LSAMP: variants seen among roughly 807,000 people sequenced by gnomAD.
LSAMP encodes the protein limbic system-associated membrane protein.
In LSAMP, 7 loss-of-function variants were observed where a neutral mutation model predicts 38.6. That is an observed-to-expected ratio of 0.18 (90% CI 0.10 to 0.34). The LOEUF is 0.34. Ranked by LOEUF, LSAMP falls within the 10% of genes least tolerant of loss-of-function variation. The pLI, the probability that LSAMP is intolerant of heterozygous loss-of-function variation, is 1.00. For synonymous variants in LSAMP, 154 were observed against 166.8 expected (o/e 0.92, Z 0.59); for missense variants, 313 against 420.0 (o/e 0.75, Z 2.23).
intron 1 of LSAMP, among the ~76,000 whole-genome samples, chr3:116,352,067 G>C (rs978775403): frequency 2.0e-5 from 3 of 151,996 alleles, no homozygotes; most frequent in Non-Finnish European, 4.4e-5. Context: ...AAGGTTCACC[G>C]CTTCACCGTA....
intron 6 of LSAMP, among the ~76,000 whole-genome samples, chr3:115,837,474 C>A (rs947742457): frequency 6.8e-6 from 1 of 146,184 alleles, no homozygotes. Flanking sequence ...ACGCTGACTA[C>A]TAGGCTGGAA....
chr3:116,005,272 C>T (rs1940123289), intron 3 of LSAMP, among the ~76,000 whole-genome samples: 1 of 152,068 alleles, frequency 6.6e-6, no homozygotes, highest in Non-Finnish European at 1.5e-5. Flanking sequence ...CAACTGAGAT[C>T]AATAATAAAT....
chr3:115,946,198 A>T (rs2107568453), intron 3 of LSAMP, among the ~76,000 whole-genome samples: 1 of 152,324 alleles, frequency 6.6e-6, no homozygotes, highest in Non-Finnish European at 1.5e-5. Context: ...TTATGTGTGG[A>T]ATGTAAGAAT....
chr3:116,020,077 A>C (rs1940595902), intron 2 of LSAMP, among the ~76,000 whole-genome samples: 1 of 152,220 alleles, frequency 6.6e-6, no homozygotes, highest in Admixed American at 6.5e-5. Flanking sequence ...TATTTAGCAT[A>C]AGATTACATT....
chr3:116,387,371 G>T (rs953803324), intron 1 of LSAMP, among the ~76,000 whole-genome samples: 2 of 152,144 alleles, frequency 1.3e-5, no homozygotes, highest in African/African-American at 4.8e-5. Flanking sequence ...GATATTCAAT[G>T]TCAGATACAG....
At chr3:116,428,914 T>A (rs990821332) in intron 1 of LSAMP, among the ~76,000 whole-genome samples, 9 of 152,140 alleles carry the variant, frequency 5.9e-5, no homozygotes, top group Non-Finnish European at 1.2e-4. Context: ...AACTTTGGGA[T>A]GGGGGTATTA....
intron 1 of LSAMP, among the ~76,000 whole-genome samples, chr3:116,148,570 T>TGAACC (rs1709540137): frequency 6.6e-6 from 1 of 152,008 alleles, no homozygotes; most frequent in African/African-American, 2.4e-5. Flanking sequence ...AAGTAGATAT[T>TGAACC]GAACCCGTAA....
intron 3 of LSAMP, among the ~76,000 whole-genome samples, chr3:115,927,576 T>C (rs1203481529): frequency 6.6e-6 from 1 of 152,168 alleles, no homozygotes; most frequent in Non-Finnish European, 1.5e-5. Flanking sequence ...ATGGAAAGGT[T>C]CTGCATTCCT....
intron 1 of LSAMP, among the ~76,000 whole-genome samples, chr3:116,436,624 A>G (rs1396989202): frequency 6.6e-6 from 1 of 152,184 alleles, no homozygotes; most frequent in Non-Finnish European, 1.5e-5. Flanking sequence ...CAAAACTACA[A>G]TGTGATACCA....
chr3:116,143,896 A>C (rs1004034432), intron 1 of LSAMP, among the ~76,000 whole-genome samples: 2 of 151,886 alleles, frequency 1.3e-5, no homozygotes, highest in African/African-American at 4.8e-5. Context: ...TTATTTTAAA[A>C]ATATATTTAT....
chr3:116,236,236 G>C (rs2046464679), intron 1 of LSAMP, among the ~76,000 whole-genome samples: 1 of 151,672 alleles, frequency 6.6e-6, no homozygotes, highest in Non-Finnish European at 1.5e-5. Flanking sequence ...TTAAAATATT[G>C]TTAATCTATT....
chr3:116,430,365 G>A (rs1337896497), intron 1 of LSAMP, among the ~76,000 whole-genome samples: 2 of 151,968 alleles, frequency 1.3e-5, no homozygotes, highest in Non-Finnish European at 2.9e-5. Context: ...AAACTAGAGA[G>A]GGAATTCAGA....
intron 1 of LSAMP, among the ~76,000 whole-genome samples, chr3:116,285,989 A>T (rs2047189916): frequency 6.6e-6 from 1 of 152,218 alleles, no homozygotes; most frequent in Non-Finnish European, 1.5e-5. Flanking sequence ...CTTACAAAAA[A>T]GAGGACAAAG....
At chr3:115,904,205 A>T (rs1936952276) in intron 3 of LSAMP, among the ~76,000 whole-genome samples, 1 of 152,194 alleles carries the variant, frequency 6.6e-6, no homozygotes, top group African/African-American at 2.4e-5. Context: ...AGATTTAAAA[A>T]GATAAAGAGC....
intron 1 of LSAMP, among the ~76,000 whole-genome samples, chr3:116,252,667 G>A (rs1005924357): frequency 3.9e-5 from 6 of 152,168 alleles, no homozygotes; most frequent in African/African-American, 1.4e-4. Flanking sequence ...TCTCAGCAAA[G>A]TAAATATTTC....
At chr3:116,437,693 G>C (rs548758512) in intron 1 of LSAMP, among the ~76,000 whole-genome samples, 2 of 151,828 alleles carry the variant, frequency 1.3e-5, no homozygotes, top group Non-Finnish European at 2.9e-5. Flanking sequence ...GAGAGAAAAG[G>C]AGAGGAAGGA....
intron 2 of LSAMP, among the ~76,000 whole-genome samples, chr3:116,045,834 A>G (rs915175238): frequency 7.2e-5 from 11 of 152,218 alleles, no homozygotes; most frequent in East Asian, 3.8e-4. Context: ...ACACATAATT[A>G]AACTTTGCCC....
At chr3:116,056,964 A>C (rs1422001324) in intron 2 of LSAMP, among the ~76,000 whole-genome samples, 1 of 152,192 alleles carries the variant, frequency 6.6e-6, no homozygotes, top group African/African-American at 2.4e-5. Flanking sequence ...CCTGGTGTGC[A>C]ATACAAAGGA....
At chr3:115,978,444 TC>T (rs1246890035) in intron 3 of LSAMP, among the ~76,000 whole-genome samples, 1 of 152,014 alleles carries the variant, frequency 6.6e-6, no homozygotes, top group Non-Finnish European at 1.5e-5. Flanking sequence ...AATCCAGTAC[TC>T]TTCCCACCAC....
Sources: allele counts gnomAD v4.1 joint callset (sites outside exome capture counted in the v4.1 genomes callset), GRCh38; gene constraint gnomAD v4.1.1; transcripts MANE v1.5; gene names NCBI Gene and HGNC (gene_info 2026-07-23, HGNC 2026-07-21).